Variants in MSN observed in about 807,000 individuals in gnomAD.
The protein encoded by MSN is moesin, also known as epididymis luminal protein 70.
MSN carries 2 observed loss-of-function variants against 48.0 expected under a neutral mutation model. The ratio of observed to expected loss-of-function variants is 0.04; its 90% CI spans 0.02 to 0.13. The LOEUF (loss-of-function observed/expected upper bound fraction) is 0.13, where lower values mean the gene tolerates loss of function less well. Ranked by LOEUF, MSN falls within the 10% of genes least tolerant of loss-of-function variation. MSN has a pLI of 1.00. For missense variants in MSN, 267 were observed against 470.1 expected (o/e 0.57, Z 3.99); for synonymous variants, 146 against 166.9 (o/e 0.87, Z 0.97).
intron 1 of MSN, among the ~76,000 whole-genome samples, chrX:65,670,664 A>T (rs1455917721): frequency 9.3e-6 from 1 of 107,103 alleles, no homozygotes; most frequent in Admixed American, 1.0e-4. Context: ...CGGAGGTTGC[A>T]GTGAGCCGAG....
chrX:65,607,452 C>G (rs1163840963), intron 1 of MSN, among the ~76,000 whole-genome samples: 1 of 111,620 alleles, frequency 9.0e-6, no homozygotes, highest in Non-Finnish European at 1.9e-5. Flanking sequence ...GACCTCATAA[C>G]TGGGTTTCCT....
intron 1 of MSN, among the ~76,000 whole-genome samples, chrX:65,703,041 T>G (rs192633469): frequency 5.4e-5 from 6 of 112,124 alleles, no homozygotes; most frequent in Non-Finnish European, 1.1e-4. Context: ...TAGTTTTCCC[T>G]GAAAGTGAGA....
Position 65,602,923 on chromosome X carries a change from T to G in MSN, c.-22+14311T>G, listed in dbSNP as rs1569452992. Among the ~76,000 whole-genome samples, 3 of 111,214 alleles carry G rather than the reference T, an allele frequency of 2.7e-5. No homozygotes were observed. The Admixed American group carries it at 2.9e-4, about 11-fold the overall frequency. On this transcript the variant is annotated intron_variant, in intron 1 of 3. Transcript: ENST00000609672. ...AAGACTACTGTAACTGGTAGGAACC[T>G]TAGAGACCATATAGAGGAGTCTGAT... is the stretch of plus-strand genomic sequence containing the variant.
intron 1 of MSN, among the ~76,000 whole-genome samples, chrX:65,626,728 T>A (rs1602732353): frequency 8.9e-6 from 1 of 111,765 alleles, no homozygotes; most frequent in East Asian, 2.8e-4. Context: ...ATTGTCTCTG[T>A]GCTGAGACAA....
chrX:65,591,650 T>C (rs1221785434), intron 1 of MSN, among the ~76,000 whole-genome samples: 1 of 111,992 alleles, frequency 8.9e-6, no homozygotes, highest in African/African-American at 3.2e-5. Flanking sequence ...CTGCAGGTCA[T>C]ACTTTTCCCT....
At chrX:65,634,235 G>A (rs1401305315) in intron 1 of MSN, among the ~76,000 whole-genome samples, 1 of 112,281 alleles carries the variant, frequency 8.9e-6, no homozygotes, top group East Asian at 2.8e-4. Flanking sequence ...ATGGTGGCAG[G>A]GCCAGATTAA....
chrX:65,653,842 C>T (rs996836936), intron 1 of MSN, among the ~76,000 whole-genome samples: 7 of 110,617 alleles, frequency 6.3e-5, no homozygotes, highest in African/African-American at 2.0e-4. Context: ...GGCGCGACCT[C>T]GGCTGACTGC....
chrX:65,617,499 T>C (rs1169649946), intron 1 of MSN, among the ~76,000 whole-genome samples: 2 of 106,392 alleles, frequency 1.9e-5, no homozygotes, highest in Non-Finnish European at 3.8e-5. Context: ...TGCGTAGAGG[T>C]GTTTGTAGTA....
In MSN at chrX:65,716,604, T is replaced by C. The variant is rs73522193; in HGVS notation, c.13-214T>C. The C allele has an allele frequency of 8.8e-3, 3,940 of 446,121 alleles. 123 individuals are homozygous for C. Among genetic ancestry groups the C allele is most frequent in the African/African-American group, 0.085 (3,518 of 41,566 alleles). 36.8% of individuals were successfully genotyped at this position (446,121 alleles called of 1,213,427 possible). Reference sequence around the variant, plus strand: ...ATGCTTGTCTGTTCTTTGGTAAGTATTGCTCTGTGGCTGTGTTGTTTGTCT... The same window carrying C: ...ATGCTTGTCTGTTCTTTGGTAAGTACTGCTCTGTGGCTGTGTTGTTTGTCT... On this transcript the variant is annotated intron_variant, in intron 1 of 12. Coordinates refer to ENST00000360270, the MANE Select transcript of MSN (RefSeq NM_002444.3).
At chrX:65,674,018 G>A (rs1229445612) in intron 1 of MSN, among the ~76,000 whole-genome samples, 3 of 111,151 alleles carry the variant, frequency 2.7e-5, no homozygotes, top group Admixed American at 1.9e-4. Context: ...GTTCCTCTGA[G>A]TGTGTAGAGC....
At chrX:65,716,613 G>A in intron 1 of MSN, 1 of 450,488 alleles carries the variant, frequency 2.2e-6, no homozygotes, top group Non-Finnish European at 4.0e-6. Context: ...ATTGCTCTGT[G>A]GCTGTGTTGT....
Position 65,695,168 on chromosome X carries a change from G to T in MSN, c.13-21650G>T, listed in dbSNP as rs1348476209. Among the ~76,000 whole-genome samples, 3 of 109,501 alleles carry T rather than the reference G, an allele frequency of 2.7e-5. No homozygotes were observed. The East Asian group carries it at 8.6e-4, about 31-fold the overall frequency. On this transcript the variant is annotated intron_variant, in intron 1 of 12. Coordinates refer to ENST00000360270, the MANE Select transcript of MSN (RefSeq NM_002444.3). Reference sequence around the variant, plus strand: ...GATCTTAGTTTGGTTGCCTTTCCAGGTCTATCTGTAGGTAGGCAGGTTATC... The same window carrying T: ...GATCTTAGTTTGGTTGCCTTTCCAGTTCTATCTGTAGGTAGGCAGGTTATC...
At chrX:65,722,579 A>G (rs746309762) in intron 2 of MSN, among the ~76,000 whole-genome samples, 1 of 110,010 alleles carries the variant, frequency 9.1e-6, no homozygotes, top group Non-Finnish European at 1.9e-5. Flanking sequence ...TGCCCACACC[A>G]GCTATCTTTT....
chrX:65,617,686 T>A (rs1436052176), intron 1 of MSN, among the ~76,000 whole-genome samples: 1 of 94,776 alleles, frequency 1.1e-5, no homozygotes, highest in Non-Finnish European at 2.0e-5. Context: ...TTTTGAAGGG[T>A]TTTTTGTGTC....
At chrX:65,737,411 CT>C in intron 10 of MSN, 73 bp downstream of exon 10, 1 of 1,096,931 alleles carries the variant, frequency 9.1e-7, no homozygotes, top group Admixed American at 2.9e-5. Flanking sequence ...CTTATAGCTA[CT>C]TTTGCTTACA....
At chrX:65,613,631 A>G (rs2070340937) in intron 1 of MSN, among the ~76,000 whole-genome samples, 1 of 112,212 alleles carries the variant, frequency 8.9e-6, no homozygotes, top group Admixed American at 9.5e-5. Context: ...GGTGATGATG[A>G]TCTTTTTTTC....
intron 1 of MSN, among the ~76,000 whole-genome samples, chrX:65,691,016 A>G (rs1408019004): frequency 3.6e-5 from 4 of 111,419 alleles, no homozygotes; most frequent in African/African-American, 6.5e-5. Flanking sequence ...AATGGAGAGA[A>G]GCAAGCAGCA....
chrX:65,680,630 T>A (rs190942448), intron 1 of MSN, among the ~76,000 whole-genome samples: 1 of 112,036 alleles, frequency 8.9e-6, no homozygotes, highest in African/African-American at 3.2e-5. Flanking sequence ...TCAGCTCCCA[T>A]TTATTCCCAC....
chrX:65,628,194 G>T (rs1004338783), intron 1 of MSN, among the ~76,000 whole-genome samples: 1 of 112,756 alleles, frequency 8.9e-6, no homozygotes, highest in Admixed American at 9.3e-5. Flanking sequence ...GCCCCAGTAG[G>T]GACTCTGTGT....
Sources: allele counts gnomAD v4.1 joint callset (sites outside exome capture counted in the v4.1 genomes callset), GRCh38; gene constraint gnomAD v4.1.1; transcripts MANE v1.5; gene names NCBI Gene and HGNC (gene_info 2026-07-23, HGNC 2026-07-21).